The following SAMMSON variants were observed in gnomAD, a reference collection of about 807,000 sequenced individuals.
The protein encoded by SAMMSON is long intergenic non-protein coding RNA 1212.
intron 1 of SAMMSON, among the ~76,000 whole-genome samples, chr3:70,004,802 A>G (rs1344184826): frequency 1.3e-5 from 2 of 152,192 alleles, no homozygotes; most frequent in East Asian, 3.8e-4. Flanking sequence ...GGAGAACGTT[A>G]TCTATTATCC....
intron 1 of SAMMSON, among the ~76,000 whole-genome samples, chr3:70,004,578 G>T (rs1307721091): frequency 6.6e-6 from 1 of 152,116 alleles, no homozygotes; most frequent in African/African-American, 2.4e-5. Flanking sequence ...TATCTTCTAA[G>T]ACTTCCAAAA....
chr3:70,045,546 G>A (rs888429330), intron 3 of SAMMSON, among the ~76,000 whole-genome samples: 1 of 151,498 alleles, frequency 6.6e-6, no homozygotes, highest in African/African-American at 2.4e-5. Flanking sequence ...TCTTTGAGGG[G>A]AGGGAAAGTT....
intron 3 of SAMMSON, among the ~76,000 whole-genome samples, chr3:70,023,884 C>T (rs1044659397): frequency 6.6e-6 from 1 of 152,214 alleles, no homozygotes; most frequent in Non-Finnish European, 1.5e-5. Context: ...ACAACCTACA[C>T]CATGTCCATT....
At chr3:70,097,581 G>A (rs1386128216) in intron 4 of SAMMSON, among the ~76,000 whole-genome samples, 1 of 152,166 alleles carries the variant, frequency 6.6e-6, no homozygotes, top group African/African-American at 2.4e-5. Flanking sequence ...CAGATGTTGG[G>A]TGCCAAGACT....
chr3:70,070,692 T>A (rs1186212135), intron 3 of SAMMSON, among the ~76,000 whole-genome samples: 3 of 152,108 alleles, frequency 2.0e-5, no homozygotes, highest in African/African-American at 7.2e-5. Flanking sequence ...ATTTAATTTT[T>A]AAACATTTAC....
chr3:70,381,061 T>C (rs1337169450), intron 9 of SAMMSON, among the ~76,000 whole-genome samples: 2 of 152,154 alleles, frequency 1.3e-5, no homozygotes, highest in Admixed American at 1.3e-4. Context: ...ATATACCCAG[T>C]AATGAGACTG....
chr3:70,194,233 A>G (rs1701154480), intron 4 of SAMMSON, among the ~76,000 whole-genome samples: 2 of 152,226 alleles, frequency 1.3e-5, no homozygotes, highest in Non-Finnish European at 2.9e-5. Context: ...AATCTCTTTT[A>G]TAAGAGTGTG....
At position 70,366,965 on chromosome 3, in the gene SAMMSON, G is replaced by A. The variant is rs564986339; in HGVS notation, n.913+8641G>A. 2.3e-3 allele frequency among the ~76,000 whole-genome samples: 355 copies of A among 151,516 alleles called. 1 individual carries two copies. Among genetic ancestry groups the A allele is most frequent in the African/African-American group, 8.0e-3 (330 of 41,446 alleles). ...ATTTTTATATTCTTATTTGTCATCC[G>A]TATATTTTCTTTACTGAGGTTTCCG... On this transcript the variant is annotated intron_variant and non_coding_transcript_variant, in intron 9 of 9. Transcript: ENST00000642114.
chr3:70,183,236 G>T (rs1246667468), intron 4 of SAMMSON: 7 of 152,176 alleles, frequency 4.6e-5, no homozygotes, highest in Admixed American at 4.6e-4. Flanking sequence ...AGATGATTAT[G>T]AATGTGCATT....
At chr3:70,231,772 C>T (rs1701561935) in intron 4 of SAMMSON, among the ~76,000 whole-genome samples, 1 of 152,130 alleles carries the variant, frequency 6.6e-6, no homozygotes, top group South Asian at 2.1e-4. Context: ...ACGACTGCCC[C>T]CTTGCCCCTA....
chr3:70,299,644 C>T (rs116364134), intron 7 of SAMMSON, among the ~76,000 whole-genome samples: 239 of 152,176 alleles, frequency 1.6e-3, no homozygotes, highest in African/African-American at 5.4e-3. Flanking sequence ...ATCTCAAATT[C>T]GGAATTCATG....
At chr3:70,073,451 G>T (rs1002420692) in intron 4 of SAMMSON, among the ~76,000 whole-genome samples, 3 of 151,982 alleles carry the variant, frequency 2.0e-5, no homozygotes, top group African/African-American at 4.8e-5. Context: ...CATAGTTCCT[G>T]CCCCCATGGA....
At chr3:70,323,703 A>T (rs925766262) in intron 7 of SAMMSON, among the ~76,000 whole-genome samples, 3 of 152,172 alleles carry the variant, frequency 2.0e-5, no homozygotes, top group Non-Finnish European at 4.4e-5. Context: ...CATTGGGAAG[A>T]AGATTGGGGC....
At chr3:70,326,629 C>T (rs1522335) in intron 7 of SAMMSON, among the ~76,000 whole-genome samples, 16,269 of 152,056 alleles carry the variant, frequency 0.11, 1,312 homozygotes, top group East Asian at 0.47. Flanking sequence ...AAGAATATTA[C>T]GAGAGTTTTT....
chr3:70,185,289 T>C (rs953979929), intron 4 of SAMMSON, among the ~76,000 whole-genome samples: 1 of 152,096 alleles, frequency 6.6e-6, no homozygotes, highest in Admixed American at 6.6e-5. Flanking sequence ...TCTTATCCCA[T>C]GGAAATAAGA....
At chr3:70,381,119 T>A (rs1191596779) in intron 9 of SAMMSON, among the ~76,000 whole-genome samples, 1 of 152,172 alleles carries the variant, frequency 6.6e-6, no homozygotes, top group Non-Finnish European at 1.5e-5. Flanking sequence ...TTGGAGAATT[T>A]GTTGTATGGT....
At chr3:70,055,655 G>T (rs1233908330) in intron 3 of SAMMSON, among the ~76,000 whole-genome samples, 2 of 152,044 alleles carry the variant, frequency 1.3e-5, no homozygotes, top group Admixed American at 1.3e-4. Context: ...CTTATCTTAT[G>T]TGACCCATTG....
In SAMMSON at chr3:70,157,388, G is replaced by C. The variant is rs546842794; in HGVS notation, n.507+85823G>C. ...GGCAAGGGGGAGTGTGGTAGCACATGAATCAAAATATACGCTGAGGAGAAG... is the reference window on the plus strand; with the variant it reads ...GGCAAGGGGGAGTGTGGTAGCACATCAATCAAAATATACGCTGAGGAGAAG... On this transcript the variant is annotated intron_variant and non_coding_transcript_variant, in intron 4 of 9. Coordinates refer to ENST00000642114, the Ensembl canonical transcript of SAMMSON. Among the ~76,000 whole-genome samples, 29 of 152,206 alleles carry C rather than the reference G, an allele frequency of 1.9e-4. 1 individual carries two copies. In the South Asian group the frequency reaches 5.8e-3, roughly 30 times the overall value.
chr3:70,305,140 A>G (rs1486589157), intron 7 of SAMMSON, among the ~76,000 whole-genome samples: 1 of 152,206 alleles, frequency 6.6e-6, no homozygotes, highest in Non-Finnish European at 1.5e-5. Context: ...AAAGCTTCGA[A>G]ACAATTACCC....
Sources: gnomAD v4.1 joint callset for allele counts (sites outside exome capture counted in the v4.1 genomes callset) on GRCh38, gnomAD v4.1.1 for gene constraint, MANE v1.5 for transcripts, NCBI Gene and HGNC (gene_info 2026-07-23, HGNC 2026-07-21) for gene names.